Variants in CLIC5 observed in about 807,000 individuals in gnomAD.
CLIC5 encodes CLIC family member 5, also known as chloride intracellular channel protein 5.
CLIC5 carries 20 observed loss-of-function variants against 24.7 expected under a neutral mutation model. The observed-to-expected ratio is 0.81, with a 90% CI of 0.57 to 1.18. The LOEUF (loss-of-function observed/expected upper bound fraction) is 1.18. Among genes scored for constraint, CLIC5 ranks in the 50% most tolerant of loss-of-function variants. The pLI, the probability that CLIC5 is intolerant of heterozygous loss-of-function variation, is 0.00. For missense variants in CLIC5, 341 were observed against 326.1 expected (o/e 1.05, Z -0.35); for synonymous variants, 159 against 135.6 (o/e 1.17, Z -1.20).
intron 4 of CLIC5, among the ~76,000 whole-genome samples, chr6:45,918,656 G>A (rs3777546): frequency 0.27 from 41,490 of 152,234 alleles, 5,966 homozygotes; most frequent in East Asian, 0.47. Flanking sequence ...ACCTGTGACC[G>A]TTGTCTGTAG....
At chr6:45,931,683 G>T (rs186106445) in intron 4 of CLIC5, among the ~76,000 whole-genome samples, 2 of 152,298 alleles carry the variant, frequency 1.3e-5, no homozygotes, top group East Asian at 3.9e-4. Context: ...TTTTGAGATG[G>T]AATCTTGCTC....
At chr6:45,908,299 C>A (rs1425791537) in intron 5 of CLIC5, among the ~76,000 whole-genome samples, 1 of 152,044 alleles carries the variant, frequency 6.6e-6, no homozygotes, top group Non-Finnish European at 1.5e-5. Flanking sequence ...TTAGTTATTT[C>A]TTTTACTATA....
At chr6:45,915,176 C>T (rs1385293178) in intron 4 of CLIC5, among the ~76,000 whole-genome samples, 1 of 151,964 alleles carries the variant, frequency 6.6e-6, no homozygotes, top group East Asian at 2.0e-4. Context: ...GATCGGCCCG[C>T]CTTGGCCTCC....
Position 45,898,634 on chromosome 6 carries a change from G to T in CLIC5, c.*4454C>A, listed in dbSNP as rs1038732801. ...CTGTTATTCATCACCATAGTTAAAG[G>T]TCTCGAGAAAATCAAGTAACTATCA... On this transcript the variant is annotated 3_prime_UTR_variant, in exon 6 of 6. Coordinates refer to ENST00000339561, the MANE Select transcript of CLIC5 (RefSeq NM_016929.5). 1 of 152,576 alleles carries T rather than the reference G, an allele frequency of 6.6e-6. No homozygotes were observed. Among genetic ancestry groups the T allele is most frequent in the Non-Finnish European group, 1.5e-5 (1 of 68,036 alleles). 9.5% of individuals were successfully genotyped at this position (152,576 alleles called of 1,614,324 possible).
intron 4 of CLIC5, among the ~76,000 whole-genome samples, chr6:45,914,727 C>G (rs1402980024): frequency 1.3e-5 from 2 of 151,696 alleles, no homozygotes; most frequent in Non-Finnish European, 2.9e-5. Context: ...CCGAGGCGGG[C>G]AGATCATGAC....
chr6:46,003,125 A>C (rs957447834), intron 1 of CLIC5, among the ~76,000 whole-genome samples: 6 of 152,198 alleles, frequency 3.9e-5, no homozygotes, highest in Admixed American at 2.6e-4. Flanking sequence ...GAATAGTACC[A>C]AGACCTACTC....
chr6:46,040,678 T>A (rs930348434), intron 1 of CLIC5, among the ~76,000 whole-genome samples: 1 of 152,012 alleles, frequency 6.6e-6, no homozygotes, highest in African/African-American at 2.4e-5. Flanking sequence ...GTAATGGTGT[T>A]GGTGTTTCTT....
chr6:46,106,682 C>T, the CLIC5 span, among the ~76,000 whole-genome samples: 38 of 152,152 alleles, frequency 2.5e-4, no homozygotes, highest in Non-Finnish European at 4.3e-4. Flanking sequence ...TGCATGTTTC[C>T]TTATGAAATC....
At chr6:45,985,132 T>TA (rs1765690438) in intron 1 of CLIC5, among the ~76,000 whole-genome samples, 2 of 151,968 alleles carry the variant, frequency 1.3e-5, no homozygotes, top group Non-Finnish European at 2.9e-5. Context: ...GCAAAGGGGG[T>TA]AAGGAACATC....
At chr6:45,885,591 G>A (rs1762298478) in intron 6 of CLIC5, among the ~76,000 whole-genome samples, 1 of 152,190 alleles carries the variant, frequency 6.6e-6, no homozygotes, top group Admixed American at 6.5e-5. Flanking sequence ...TCCCATTGCG[G>A]ATACAAATCT....
At chr6:45,918,642 A>G (rs1166630644) in intron 4 of CLIC5, among the ~76,000 whole-genome samples, 1 of 152,234 alleles carries the variant, frequency 6.6e-6, no homozygotes, top group Non-Finnish European at 1.5e-5. Flanking sequence ...AAAACCAGGA[A>G]CCCACCTGTG....
intron 3 of CLIC5, among the ~76,000 whole-genome samples, chr6:45,942,593 C>T (rs562035325): frequency 3.9e-5 from 6 of 152,310 alleles, no homozygotes; most frequent in Middle Eastern, 3.4e-3. Context: ...CTGGGTGAAT[C>T]GTTTTTGACT....
intron 1 of CLIC5, among the ~76,000 whole-genome samples, chr6:45,967,001 C>T (rs1765037084): frequency 6.6e-6 from 1 of 152,206 alleles, no homozygotes; most frequent in South Asian, 2.1e-4. Flanking sequence ...TCACTGGGCT[C>T]AAGTTCTCAT....
At chr6:45,909,395 G>A (rs370343103) in intron 5 of CLIC5, among the ~76,000 whole-genome samples, 1 of 152,182 alleles carries the variant, frequency 6.6e-6, no homozygotes, top group East Asian at 1.9e-4. Context: ...TTACAAGTGT[G>A]TTTTTGTGGT....
the CLIC5 span, among the ~76,000 whole-genome samples, chr6:46,121,454 C>A: frequency 6.6e-6 from 1 of 152,190 alleles, no homozygotes; most frequent in Non-Finnish European, 1.5e-5. Flanking sequence ...AAAGGAACAA[C>A]CGGTACCAGC....
intron 1 of CLIC5, chr6:46,079,685 G>C: frequency 6.5e-7 from 1 of 1,541,732 alleles, no homozygotes; most frequent in Non-Finnish European, 8.8e-7. Context: ...GGGTATGCCT[G>C]TCAGAGGCAG....
At chr6:45,886,267 C>A (rs1013977800) in intron 6 of CLIC5, among the ~76,000 whole-genome samples, 3 of 152,192 alleles carry the variant, frequency 2.0e-5, no homozygotes, top group Non-Finnish European at 1.5e-5. Flanking sequence ...GACACTGGCC[C>A]AGGCTTTGCC....
intron 5 of CLIC5, among the ~76,000 whole-genome samples, chr6:45,905,822 T>C (rs1762645663): frequency 6.6e-6 from 1 of 152,228 alleles, no homozygotes; most frequent in African/African-American, 2.4e-5. Context: ...GAATGTTTCC[T>C]GGTTTTCTTC....
At position 46,009,322 on chromosome 6, in the gene CLIC5, G is replaced by A. The variant is rs188127604; in HGVS notation, c.63+6158C>T. Among the ~76,000 whole-genome samples, 263 of 152,186 alleles carry A rather than the reference G, an allele frequency of 1.7e-3. 1 individual carries two copies. Among genetic ancestry groups the A allele is most frequent in the African/African-American group, 5.9e-3 (246 of 41,530 alleles). On this transcript the variant is annotated intron_variant, in intron 1 of 5. Transcript: ENST00000339561. Reference sequence around the variant, plus strand: ...TGTCCTTAAAGAATTTCACATCTCAGAACTTAGATACTTCTTTCTTGAAAG... The same window carrying A: ...TGTCCTTAAAGAATTTCACATCTCAAAACTTAGATACTTCTTTCTTGAAAG...
Sources: gnomAD v4.1 joint callset for allele counts (sites outside exome capture counted in the v4.1 genomes callset) on GRCh38, gnomAD v4.1.1 for gene constraint, MANE v1.5 for transcripts, NCBI Gene and HGNC (gene_info 2026-07-23, HGNC 2026-07-21) for gene names.